CFAP299: variants seen among roughly 807,000 people sequenced by gnomAD.
The protein encoded by CFAP299 is cilia and flagella associated protein 299.
Under a neutral mutation model 27.0 loss-of-function variants are expected in CFAP299, and 21 were observed. The ratio of observed to expected loss-of-function variants is 0.78; its 90% CI spans 0.55 to 1.12. The LOEUF (loss-of-function observed/expected upper bound fraction) is 1.12, where lower values mean the gene tolerates loss of function less well. Ranked by LOEUF, CFAP299 falls within the 50% of genes most tolerant of loss-of-function variation. CFAP299 has a pLI of 0.00. For missense variants in CFAP299, 310 were observed against 276.6 expected, an observed-to-expected ratio of 1.12 and a Z score of -0.86; for synonymous variants, 104 against 98.1, an observed-to-expected ratio of 1.06 and a Z score of -0.36.
intron 3 of CFAP299, among the ~76,000 whole-genome samples, chr4:80,843,752 A>ATT (rs111878248): frequency 4.0e-5 from 6 of 151,124 alleles, no homozygotes; most frequent in African/African-American, 1.5e-4. Flanking sequence ...TTGTTTCCTG[A>ATT]TTTTTTTTTA....
At chr4:80,688,410 G>C (rs1445909612) in intron 3 of CFAP299, among the ~76,000 whole-genome samples, 1 of 18,796 alleles carries the variant, frequency 5.3e-5, no homozygotes, top group Non-Finnish European at 9.7e-5. Context: ...TAACTGGGAG[G>C]CACCCCCCAG....
intron 2 of CFAP299, among the ~76,000 whole-genome samples, chr4:80,580,344 G>T (rs879279002): frequency 6.6e-6 from 1 of 151,982 alleles, no homozygotes; most frequent in African/African-American, 2.4e-5. Context: ...GGCAAAGAGC[G>T]TGGAAAAGAC....
At chr4:80,730,803 G>A (rs1560721887) in intron 3 of CFAP299, among the ~76,000 whole-genome samples, 1 of 152,180 alleles carries the variant, frequency 6.6e-6, no homozygotes. Flanking sequence ...TACAACCACT[G>A]TGCCTCTTTG....
Position 80,766,234 on chromosome 4 carries a change from T to C in CFAP299, c.334-103759T>C, listed in dbSNP as rs28458386. ...AAAATGTCTGCAGCAGTATAAAATG[T>C]AAACAGCAATAGAGATCAAATACTG... On this transcript the variant is annotated intron_variant, in intron 3 of 5. Coordinates refer to ENST00000358105, the MANE Select transcript of CFAP299 (RefSeq NM_152770.3). Among the ~76,000 whole-genome samples the C allele has an allele frequency of 2.5e-3, 388 of 152,240 alleles. 1 individual carries two copies. The highest frequency in any genetic ancestry group is 8.8e-3 in the African/African-American group (367 of 41,564).
intron 3 of CFAP299, among the ~76,000 whole-genome samples, chr4:80,599,784 A>C (rs951713131): frequency 1.3e-5 from 2 of 152,094 alleles, no homozygotes; most frequent in Non-Finnish European, 2.9e-5. Context: ...ACTTGTGCTT[A>C]AGTTGTAAGG....
At chr4:80,638,953 C>A (rs958502442) in intron 3 of CFAP299, among the ~76,000 whole-genome samples, 5 of 152,146 alleles carry the variant, frequency 3.3e-5, no homozygotes, top group African/African-American at 1.2e-4. Context: ...CTCGTCCTAG[C>A]TTTCAGACTG....
chr4:80,646,797 C>G (rs758987144), intron 3 of CFAP299, among the ~76,000 whole-genome samples: 5 of 152,100 alleles, frequency 3.3e-5, no homozygotes, highest in Non-Finnish European at 5.9e-5. Flanking sequence ...TACTTCTCCT[C>G]CCTAAAGATA....
At chr4:80,370,981 C>G (rs1318729345) in intron 2 of CFAP299, among the ~76,000 whole-genome samples, 2 of 152,246 alleles carry the variant, frequency 1.3e-5, no homozygotes, top group African/African-American at 4.8e-5. Context: ...CATGAGGGTT[C>G]TGCCCCTGCC....
At chr4:80,843,818 T>A (rs1731005231) in intron 3 of CFAP299, among the ~76,000 whole-genome samples, 1 of 152,050 alleles carries the variant, frequency 6.6e-6, no homozygotes, top group Non-Finnish European at 1.5e-5. Flanking sequence ...TGTGCCGGTT[T>A]GTTACATATG....
At chr4:80,455,978 G>A (rs936216735) in intron 2 of CFAP299, among the ~76,000 whole-genome samples, 1 of 152,038 alleles carries the variant, frequency 6.6e-6, no homozygotes, top group South Asian at 2.1e-4. Context: ...TATGATAGAT[G>A]GTCATAAATT....
chr4:80,531,828 A>G (rs940228294), intron 2 of CFAP299, among the ~76,000 whole-genome samples: 5 of 141,926 alleles, frequency 3.5e-5, no homozygotes, highest in Admixed American at 3.2e-4. Flanking sequence ...ATCTCGGCTC[A>G]CTGCAACCTC....
chr4:80,908,819 T>C (rs756072894), intron 4 of CFAP299, among the ~76,000 whole-genome samples: 3 of 152,150 alleles, frequency 2.0e-5, no homozygotes, highest in Non-Finnish European at 4.4e-5. Context: ...ACCTTACTGT[T>C]GTGCTTGATG....
rs550414533 is a variant in CFAP299, at chr4:80,572,507, G to GTTTTTTTTTTTTTTTTTTTTTTTTTTT, written c.243-10584_243-10558dup. Among the ~76,000 whole-genome samples the GTTTTTTTTTTTTTTTTTTTTTTTTTTT allele has an allele frequency of 9.9e-4, 36 of 36,388 alleles. 15 individuals carry two copies. The highest frequency in any genetic ancestry group is 1.9e-3 in the East Asian group (2 of 1,042). The allele number at this position is 36,388 out of a possible 152,430, so 23.9% of individuals were successfully genotyped here. On this transcript the variant is annotated intron_variant, in intron 2 of 5. Transcript: ENST00000358105. ...TGTTGTTGCACATGACTGGATCCCAGTTTTTTTTTTTTTTTTTTTTTTTTT... is the reference window on the plus strand; with the variant it reads ...TGTTGTTGCACATGACTGGATCCCAGTTTTTTTTTTTTTTTTTTTTTTTTTTTTTTTTTTTTTTTTTTTTTTTTTTTT...
At chr4:80,375,331 A>C (rs1229596375) in intron 2 of CFAP299, among the ~76,000 whole-genome samples, 1 of 152,096 alleles carries the variant, frequency 6.6e-6, no homozygotes, top group East Asian at 1.9e-4. Flanking sequence ...TCTCACATAC[A>C]TTTTGAATGC....
At position 80,565,636 on chromosome 4, in the gene CFAP299, A is replaced by G. The variant is rs551031220; in HGVS notation, c.243-17457A>G. ...GAAAAATAAATGAACCTAAATGTGT[A>G]TCTAGCTGGTATCATACCTATTTAA... is the stretch of plus-strand genomic sequence containing the variant. On this transcript the variant is annotated intron_variant, in intron 2 of 5. Coordinates refer to ENST00000358105, the MANE Select transcript of CFAP299 (RefSeq NM_152770.3). Among the ~76,000 whole-genome samples the G allele has an allele frequency of 5.3e-5, 8 of 152,184 alleles. 1 individual carries two copies. Among genetic ancestry groups the G allele is most frequent in the African/African-American group, 1.7e-4 (7 of 41,564 alleles).
chr4:80,772,626 A>T (rs1428828639), intron 3 of CFAP299, among the ~76,000 whole-genome samples: 1 of 151,940 alleles, frequency 6.6e-6, no homozygotes, highest in Non-Finnish European at 1.5e-5. Flanking sequence ...AACATGTGCC[A>T]TGGTGGTTTG....
intron 4 of CFAP299, among the ~76,000 whole-genome samples, chr4:80,934,309 A>C (rs1736775561): frequency 6.6e-6 from 1 of 152,080 alleles, no homozygotes; most frequent in Non-Finnish European, 1.5e-5. Flanking sequence ...CATTCAATTT[A>C]GTTTGCTATT....
In CFAP299 at chr4:80,914,143, A is replaced by G. The variant is rs73829197; in HGVS notation, c.477-30667A>G. On this transcript the variant is annotated intron_variant, in intron 4 of 5. Transcript: ENST00000358105. The stretch of plus-strand genomic sequence containing the variant: ...CATAGTCTGTGTCTAATATTAATAA[A>G]GTGGGTATGAACACACAAGTCTGTG... 3.6e-3 allele frequency among the ~76,000 whole-genome samples: 553 copies of G among 152,314 alleles called. 2 individuals carry two copies. Among genetic ancestry groups the G allele is most frequent in the African/African-American group, 0.012 (519 of 41,572 alleles).
intron 3 of CFAP299, among the ~76,000 whole-genome samples, chr4:80,725,127 T>TTTTTG: frequency 7.1e-6 from 1 of 140,708 alleles, no homozygotes; most frequent in African/African-American, 2.7e-5. Flanking sequence ...TTTTTTTTTT[T>TTTTTG]TTTTTTTTTG....
Sources: gnomAD v4.1 joint callset for allele counts (sites outside exome capture counted in the v4.1 genomes callset) on GRCh38, gnomAD v4.1.1 for gene constraint, MANE v1.5 for transcripts, NCBI Gene and HGNC (gene_info 2026-07-23, HGNC 2026-07-21) for gene names.